ITGBL1: variants seen among roughly 807,000 people sequenced by gnomAD.
The protein encoded by ITGBL1 is integrin subunit beta like 1.
A neutral mutation model predicts 68.5 loss-of-function variants in ITGBL1; 51 were observed. The observed-to-expected ratio is 0.74, with a 90% CI of 0.59 to 0.94. ITGBL1 has a LOEUF of 0.94. Among genes scored for constraint, ITGBL1 ranks in the 40% least tolerant of loss-of-function variants. The pLI, the probability that ITGBL1 is intolerant of heterozygous loss-of-function variation, is 0.00. For synonymous variants in ITGBL1, 209 were observed against 227.3 expected, an observed-to-expected ratio of 0.92 and a Z score of 0.72; for missense variants, 649 against 647.4, an observed-to-expected ratio of 1.00 and a Z score of -0.03.
intron 7 of ITGBL1, among the ~76,000 whole-genome samples, chr13:101,658,415 T>A (rs2032990132): frequency 6.6e-6 from 1 of 152,206 alleles, no homozygotes. Flanking sequence ...ATAAGGAATT[T>A]TCTGCCTTCT....
chr13:101,541,316 G>T (rs1248750529), intron 2 of ITGBL1, among the ~76,000 whole-genome samples: 5 of 152,026 alleles, frequency 3.3e-5, no homozygotes, highest in Admixed American at 2.6e-4. Flanking sequence ...GATAATAGAT[G>T]GTTTTTGTGG....
chr13:101,457,689 C>T (rs1443635415), intron 2 of ITGBL1, among the ~76,000 whole-genome samples: 1 of 151,954 alleles, frequency 6.6e-6, no homozygotes, highest in East Asian at 1.9e-4. Flanking sequence ...ATGGTGTGCG[C>T]CTTGTAGTCC....
chr13:101,686,996 T>C (rs7992107), intron 7 of ITGBL1, among the ~76,000 whole-genome samples: 44,517 of 152,026 alleles, frequency 0.29, 6,872 homozygotes, highest in East Asian at 0.44. Context: ...CTATATATTC[T>C]ATTAAACAAT....
intron 7 of ITGBL1, among the ~76,000 whole-genome samples, chr13:101,645,060 G>A (rs1594951122): frequency 6.6e-6 from 1 of 152,058 alleles, no homozygotes; most frequent in Non-Finnish European, 1.5e-5. Context: ...CAATCAAATG[G>A]CAGTTTAAAC....
chr13:101,713,223 G>T (rs2034558722), intron 9 of ITGBL1: 1 of 152,128 alleles, frequency 6.6e-6, no homozygotes, highest in Non-Finnish European at 1.5e-5. Context: ...ACATGAACCT[G>T]AATCCTTTCA....
chr13:101,538,706 A>G (rs190448563), intron 2 of ITGBL1, among the ~76,000 whole-genome samples: 9 of 152,284 alleles, frequency 5.9e-5, no homozygotes, highest in Admixed American at 5.9e-4. Context: ...AAGCTAATGG[A>G]TATGTTAACT....
intron 7 of ITGBL1, among the ~76,000 whole-genome samples, chr13:101,648,038 T>A (rs775737382): frequency 2.6e-5 from 4 of 152,124 alleles, no homozygotes; most frequent in African/African-American, 4.8e-5. Context: ...TAGCAAAGAC[T>A]GCCACCTCCC....
At chr13:101,461,476 T>G (rs923922464) in intron 2 of ITGBL1, among the ~76,000 whole-genome samples, 12 of 152,110 alleles carry the variant, frequency 7.9e-5, no homozygotes, top group African/African-American at 2.9e-4. Flanking sequence ...GGAGGATCCT[T>G]GAAGCCCAGT....
intron 7 of ITGBL1, among the ~76,000 whole-genome samples, chr13:101,605,885 G>T (rs907946148): frequency 1.3e-5 from 2 of 148,830 alleles, no homozygotes; most frequent in African/African-American, 4.9e-5. Context: ...CACATATATA[G>T]ACATGTATGC....
At chr13:101,530,267 C>G (rs184116572) in intron 2 of ITGBL1, among the ~76,000 whole-genome samples, 53 of 151,434 alleles carry the variant, frequency 3.5e-4, no homozygotes, top group Middle Eastern at 6.8e-3. Flanking sequence ...AGAGAGAGAG[C>G]GCGAGGGGAG....
At chr13:101,500,120 A>G (rs1334387711) in intron 2 of ITGBL1, among the ~76,000 whole-genome samples, 1 of 152,242 alleles carries the variant, frequency 6.6e-6, no homozygotes, top group Non-Finnish European at 1.5e-5. Flanking sequence ...AAGGATAAAG[A>G]CAGTAAATCC....
chr13:101,608,056 A>G (rs182921990), intron 7 of ITGBL1, among the ~76,000 whole-genome samples: 3 of 152,202 alleles, frequency 2.0e-5, no homozygotes, highest in Non-Finnish European at 4.4e-5. Context: ...ACACATAACC[A>G]TACACCCCCA....
At chr13:101,714,853 T>G (rs2034641289) in intron 10 of ITGBL1, 1 of 329,434 alleles carries the variant, frequency 3.0e-6, no homozygotes, top group South Asian at 5.4e-5. Flanking sequence ...CAGAAAAGAA[T>G]TTTGTTGGCA....
At chr13:101,551,061 C>T (rs1451389790) in intron 2 of ITGBL1, among the ~76,000 whole-genome samples, 2 of 152,056 alleles carry the variant, frequency 1.3e-5, no homozygotes, top group African/African-American at 4.8e-5. Context: ...TTTGCTGACC[C>T]TCTGTCATCA....
At chr13:101,523,033 A>G (rs1173103543) in intron 2 of ITGBL1, among the ~76,000 whole-genome samples, 1 of 152,176 alleles carries the variant, frequency 6.6e-6, no homozygotes, top group Admixed American at 6.6e-5. Flanking sequence ...TTTTTCTTTT[A>G]TGCAAGTTAA....
At chr13:101,697,175 C>A (rs1368931337) in intron 8 of ITGBL1, among the ~76,000 whole-genome samples, 3 of 151,258 alleles carry the variant, frequency 2.0e-5, no homozygotes, top group Admixed American at 2.0e-4. Context: ...ATACTTGGCT[C>A]ATCTTTAGAT....
chr13:101,539,649 T>C (rs4453343), intron 2 of ITGBL1, among the ~76,000 whole-genome samples: 122,136 of 150,504 alleles, frequency 0.81, 49,750 homozygotes, highest in African/African-American at 0.89. Flanking sequence ...AATGGTTGAA[T>C]TAGTTTACAG....
downstream of ITGBL1, chr13:101,716,658 A>G (rs1290057674): frequency 6.6e-6 from 1 of 152,082 alleles, no homozygotes; most frequent in Non-Finnish European, 1.5e-5. Flanking sequence ...GGCCTGAAGT[A>G]TGCATCCATT....
chr13:101,482,447 T>A (rs1294096621), intron 2 of ITGBL1, among the ~76,000 whole-genome samples: 1 of 151,992 alleles, frequency 6.6e-6, no homozygotes, highest in East Asian at 1.9e-4. Context: ...AAATTCCTCA[T>A]GAAAAATATC....
Sources: gnomAD v4.1 joint callset for allele counts (sites outside exome capture counted in the v4.1 genomes callset) on GRCh38, gnomAD v4.1.1 for gene constraint, MANE v1.5 for transcripts, NCBI Gene and HGNC (gene_info 2026-07-23, HGNC 2026-07-21) for gene names.